KCNT2: variants seen among roughly 807,000 people sequenced by gnomAD.
KCNT2 encodes the protein potassium sodium-activated channel subfamily T member 2, also known as potassium channel subfamily T member 2.
Under a neutral mutation model 153.8 loss-of-function variants are expected in KCNT2, and 67 were observed. The ratio of observed to expected loss-of-function variants is 0.44; its 90% CI spans 0.36 to 0.53. The LOEUF is 0.53. Among genes scored for constraint, KCNT2 ranks in the 20% least tolerant of loss-of-function variants. The pLI, the probability that KCNT2 is intolerant of heterozygous loss-of-function variation, is 0.00. For synonymous variants in KCNT2, 500 were observed against 458.8 expected (o/e 1.09, Z -1.15); for missense variants, 975 against 1,354.8 (o/e 0.72, Z 4.40).
chr1:196,315,918 G>A lies in KCNT2; in HGVS notation c.2457C>T (p.Thr819=), dbSNP rs1662668858. ...TGAAGAGTGTCTGCACGTTCACAAT[G>A]GTTTTGGCATCTGCCATGTAGTCTT... The part of the protein sequence containing the change: ...AEEDYMADAK[T]IVNVQTLFRL... Residue 819 remains threonine, a synonymous_variant, in exon 21 of 28, where the codon ACC becomes ACT. Transcript: ENST00000294725. 3 of 1,607,680 alleles carry A rather than the reference G, an allele frequency of 1.9e-6. No homozygotes were observed. In the African/African-American group the frequency reaches 4.0e-5, roughly 22 times the overall value.
At chr1:196,337,292 G>T (rs1033275118) in intron 16 of KCNT2, among the ~76,000 whole-genome samples, 10 of 151,610 alleles carry the variant, frequency 6.6e-5, no homozygotes, top group African/African-American at 2.4e-4. Flanking sequence ...ATTTTGTAAG[G>T]AATCCTGATT....
chr1:196,276,468 A>G (rs539955568), intron 25 of KCNT2, among the ~76,000 whole-genome samples: 92 of 152,128 alleles, frequency 6.0e-4, no homozygotes, highest in Admixed American at 2.6e-3. Flanking sequence ...TAATCTTCCT[A>G]AAGAATTCTC....
intron 12 of KCNT2, among the ~76,000 whole-genome samples, chr1:196,418,952 C>T (rs1181583041): frequency 6.6e-6 from 1 of 151,996 alleles, no homozygotes; most frequent in African/African-American, 2.4e-5. Flanking sequence ...TTCTCCACTC[C>T]TCACAATGGT....
chr1:196,289,952 A>G (rs1660033663), intron 22 of KCNT2, among the ~76,000 whole-genome samples: 1 of 151,952 alleles, frequency 6.6e-6, no homozygotes, highest in East Asian at 1.9e-4. Flanking sequence ...CATTTGTTTT[A>G]TTATCATGAA....
At chr1:196,502,166 T>C in intron 1 of KCNT2, among the ~76,000 whole-genome samples, 1 of 152,036 alleles carries the variant, frequency 6.6e-6, no homozygotes, top group Non-Finnish European at 1.5e-5. Flanking sequence ...TTCCAATGAG[T>C]TTCCACCTGG....
intron 12 of KCNT2, among the ~76,000 whole-genome samples, chr1:196,407,835 G>A (rs1047831768): frequency 1.4e-5 from 2 of 142,306 alleles, no homozygotes; most frequent in Non-Finnish European, 3.1e-5. Context: ...AGCATGAGCC[G>A]GGAATAAAAA....
intron 1 of KCNT2, among the ~76,000 whole-genome samples, chr1:196,535,509 G>A (rs1206535230): frequency 6.6e-6 from 1 of 152,114 alleles, no homozygotes; most frequent in Non-Finnish European, 1.5e-5. Flanking sequence ...AGTTTAGGCT[G>A]TTTAAAAAGT....
chr1:196,481,975 A>G (rs1436442744), intron 4 of KCNT2, among the ~76,000 whole-genome samples: 2 of 152,152 alleles, frequency 1.3e-5, no homozygotes, highest in East Asian at 3.8e-4. Context: ...ATACAAGGTA[A>G]AAAGCAAACA....
intron 8 of KCNT2, among the ~76,000 whole-genome samples, chr1:196,432,193 T>C (rs549949929): frequency 2.6e-5 from 4 of 152,096 alleles, no homozygotes; most frequent in Non-Finnish European, 4.4e-5. Flanking sequence ...GTGGTGCCAA[T>C]TTTGCAGGTG....
At chr1:196,582,175 G>T (rs1350033682) in intron 1 of KCNT2, among the ~76,000 whole-genome samples, 5 of 151,784 alleles carry the variant, frequency 3.3e-5, no homozygotes, top group Admixed American at 1.3e-4. Flanking sequence ...AAGCCTAATG[G>T]CCAAGAAAAA....
At chr1:196,453,835 A>G (rs1676426614) in intron 8 of KCNT2, among the ~76,000 whole-genome samples, 1 of 151,906 alleles carries the variant, frequency 6.6e-6, no homozygotes, top group South Asian at 2.1e-4. Flanking sequence ...CCACCCCCAA[A>G]TGTAATATAA....
intron 1 of KCNT2, among the ~76,000 whole-genome samples, chr1:196,498,308 T>C (rs1165333230): frequency 6.6e-6 from 1 of 152,140 alleles, no homozygotes; most frequent in Non-Finnish European, 1.5e-5. Flanking sequence ...AGTGCCTTGA[T>C]ACCTATTTAG....
At chr1:196,405,642 C>A (rs973432907) in intron 12 of KCNT2, among the ~76,000 whole-genome samples, 1 of 151,194 alleles carries the variant, frequency 6.6e-6, no homozygotes, top group Non-Finnish European at 1.5e-5. Flanking sequence ...CAGAGTCTGT[C>A]ATCTACACGT....
chr1:196,491,641 G>T (rs563588468), intron 2 of KCNT2, among the ~76,000 whole-genome samples: 1 of 152,078 alleles, frequency 6.6e-6, no homozygotes, highest in East Asian at 1.9e-4. Flanking sequence ...CCTTGAATAG[G>T]CTCAGGAGGA....
At chr1:196,273,362 T>G in intron 25 of KCNT2, 1 of 704,414 alleles carries the variant, frequency 1.4e-6, no homozygotes, top group East Asian at 2.8e-5. Context: ...TATTTCATTT[T>G]AATGTCTGAG....
intron 1 of KCNT2, among the ~76,000 whole-genome samples, chr1:196,496,056 AT>A (rs577613721): frequency 1.3e-5 from 2 of 150,740 alleles, no homozygotes; most frequent in Non-Finnish European, 3.0e-5. Flanking sequence ...CTTACATGTG[AT>A]TTTTTTTTCA....
intron 26 of KCNT2, among the ~76,000 whole-genome samples, chr1:196,244,172 C>T (rs1406691290): frequency 6.6e-6 from 1 of 152,048 alleles, no homozygotes; most frequent in African/African-American, 2.4e-5. Flanking sequence ...GCCCTTGGGC[C>T]CTGAATAATC....
chr1:196,589,362 A>G (rs926405830), intron 1 of KCNT2, among the ~76,000 whole-genome samples: 5 of 152,064 alleles, frequency 3.3e-5, no homozygotes, highest in Admixed American at 6.6e-5. Flanking sequence ...ACATTTTTTA[A>G]TGTTCTTGAA....
intron 1 of KCNT2, among the ~76,000 whole-genome samples, chr1:196,542,432 T>C (rs1656505997): frequency 6.6e-6 from 1 of 152,136 alleles, no homozygotes; most frequent in Admixed American, 6.6e-5. Context: ...GCTCTGAATT[T>C]CCAAAAGATA....
Sources: allele counts gnomAD v4.1 joint callset (sites outside exome capture counted in the v4.1 genomes callset), GRCh38; gene constraint gnomAD v4.1.1; transcripts MANE v1.5; gene names NCBI Gene and HGNC (gene_info 2026-07-23, HGNC 2026-07-21).